The following GARRE1 variants were observed in gnomAD, a reference collection of about 807,000 sequenced individuals.
The protein encoded by GARRE1 is granule associated Rac and RHOG effector 1, also known as granule associated Rac and RHOG effector protein 1.
A neutral mutation model predicts 103.2 loss-of-function variants in GARRE1; 49 were observed. That is an observed-to-expected ratio of 0.47 (90% CI 0.38 to 0.60). The LOEUF (loss-of-function observed/expected upper bound fraction) is 0.60. Among genes scored for constraint, GARRE1 ranks in the 20% least tolerant of loss-of-function variants. The pLI, the probability that GARRE1 is intolerant of heterozygous loss-of-function variation, is 0.00. For synonymous variants in GARRE1, 505 were observed against 532.8 expected (o/e 0.95, Z 0.72); for missense variants, 1,199 against 1,370.5 (o/e 0.87, Z 1.98).
chr19:34,317,510 C>T (rs75998242), intron 2 of GARRE1, among the ~76,000 whole-genome samples: 2,227 of 152,264 alleles, frequency 0.015, 25 homozygotes, highest in South Asian at 0.026. Context: ...GGAGCCGGCT[C>T]ACTCCCCCTC....
intron 3 of GARRE1, among the ~76,000 whole-genome samples, chr19:34,322,675 C>T (rs1199346870): frequency 6.6e-6 from 1 of 151,930 alleles, no homozygotes; most frequent in Non-Finnish European, 1.5e-5. Context: ...GTACCCTCTG[C>T]CTCCCGGGTT....
At chr19:34,328,197 A>T (rs985574649) in intron 6 of GARRE1, 46 bp downstream of exon 6, 7 of 1,585,022 alleles carry the variant, frequency 4.4e-6, no homozygotes, top group Non-Finnish European at 6.0e-6. Context: ...ACTTGAAAAT[A>T]GAGTTCTTAA....
chr19:34,285,389 A>T (rs988205839), intron 1 of GARRE1: 6 of 152,156 alleles, frequency 3.9e-5, no homozygotes, highest in Admixed American at 3.3e-4. Context: ...TGGGAGGCTG[A>T]GGCAGGCGGA....
intron 1 of GARRE1, among the ~76,000 whole-genome samples, chr19:34,268,548 T>C (rs2073766404): frequency 6.6e-6 from 1 of 152,198 alleles, no homozygotes; most frequent in South Asian, 2.1e-4. Context: ...AACAACAGTC[T>C]TAGAGTACAG....
chr19:34,261,967 C>T (rs985566279), intron 1 of GARRE1, among the ~76,000 whole-genome samples: 2 of 152,056 alleles, frequency 1.3e-5, no homozygotes, highest in African/African-American at 4.8e-5. Context: ...CATCATGTCA[C>T]ATGTCACCTG....
chr19:34,264,940 G>C (rs573607554), intron 1 of GARRE1, among the ~76,000 whole-genome samples: 1 of 152,218 alleles, frequency 6.6e-6, no homozygotes, highest in East Asian at 1.9e-4. Context: ...GTCTGTTCTA[G>C]GATTCGTGCC....
chr19:34,334,665 C>T (rs2074152444), intron 8 of GARRE1, among the ~76,000 whole-genome samples: 2 of 148,918 alleles, frequency 1.3e-5, no homozygotes, highest in South Asian at 2.1e-4. Flanking sequence ...CACTATTGCA[C>T]TCCAGCCTGG....
intron 8 of GARRE1, 39 bp from the exon 9 acceptor site, chr19:34,339,828 A>G: frequency 6.2e-7 from 1 of 1,613,076 alleles, no homozygotes. Context: ...CTTTGCAGAG[A>G]AATGCAGCCA....
intron 1 of GARRE1, among the ~76,000 whole-genome samples, chr19:34,288,898 G>A (rs191531324): frequency 3.4e-4 from 52 of 152,282 alleles, no homozygotes; most frequent in African/African-American, 1.1e-3. Context: ...TTGGGAGGCC[G>A]AGGCAGTCGG....
At chr19:34,296,304 G>T (rs948518123) in intron 1 of GARRE1, 2 of 755,456 alleles carry the variant, frequency 2.6e-6, no homozygotes, top group East Asian at 4.9e-5. Flanking sequence ...AGGGGCCTGG[G>T]CACCTTTGGG....
intron 2 of GARRE1, among the ~76,000 whole-genome samples, chr19:34,313,845 G>C (rs2145253842): frequency 6.6e-6 from 1 of 152,214 alleles, no homozygotes; most frequent in South Asian, 2.1e-4. Context: ...CTTTCTCCCA[G>C]GCTGGAGTGC....
chr19:34,279,673 T>G (rs1009333673), intron 1 of GARRE1, among the ~76,000 whole-genome samples: 6 of 152,188 alleles, frequency 3.9e-5, no homozygotes, highest in Admixed American at 3.3e-4. Flanking sequence ...TACTTGAGAC[T>G]GGGTAATTTA....
chr19:34,287,136 CA>C (rs34541474), intron 1 of GARRE1, among the ~76,000 whole-genome samples: 50,676 of 98,780 alleles, frequency 0.51, 11,502 homozygotes, highest in Middle Eastern at 0.64. Flanking sequence ...AAGACTGTCT[CA>C]AAAAAAAAAA....
chr19:34,277,267 T>C (rs1360660272), intron 1 of GARRE1, among the ~76,000 whole-genome samples: 2 of 152,132 alleles, frequency 1.3e-5, no homozygotes, highest in African/African-American at 4.8e-5. Flanking sequence ...CCAGGGACCA[T>C]TGGATATAAA....
At chr19:34,297,600 A>G (rs1470071909) in intron 1 of GARRE1, among the ~76,000 whole-genome samples, 1 of 152,158 alleles carries the variant, frequency 6.6e-6, no homozygotes, top group Non-Finnish European at 1.5e-5. Flanking sequence ...ACTGTGGCCA[A>G]CTCAGGTGAA....
intron 2 of GARRE1, among the ~76,000 whole-genome samples, chr19:34,315,732 A>G (rs894860159): frequency 1.3e-5 from 2 of 150,188 alleles, no homozygotes; most frequent in East Asian, 1.9e-4. Context: ...AAAAAAAAAA[A>G]GGGTAGTTTT....
chr19:34,284,618 G>A (rs531577486), intron 1 of GARRE1, among the ~76,000 whole-genome samples: 1 of 152,256 alleles, frequency 6.6e-6, no homozygotes, highest in Non-Finnish European at 1.5e-5. Context: ...TTTTTAAGTA[G>A]CATTAAAACT....
intron 10 of GARRE1, among the ~76,000 whole-genome samples, chr19:34,346,476 G>A (rs949661757): frequency 6.6e-6 from 1 of 152,082 alleles, no homozygotes; most frequent in African/African-American, 2.4e-5. Context: ...TTTAGCTTAA[G>A]TGGGATCAGC....
chr19:34,316,666 G>T (rs918383538), intron 2 of GARRE1, among the ~76,000 whole-genome samples: 3 of 152,324 alleles, frequency 2.0e-5, no homozygotes, highest in Non-Finnish European at 4.4e-5. Context: ...CTGTTTCCAA[G>T]GTCCAGCGTT....
Sources: allele counts gnomAD v4.1 joint callset (sites outside exome capture counted in the v4.1 genomes callset), GRCh38; gene constraint gnomAD v4.1.1; transcripts MANE v1.5; gene names NCBI Gene and HGNC (gene_info 2026-07-23, HGNC 2026-07-21).